Variants in GPD2 observed in about 807,000 individuals in gnomAD.
GPD2 encodes the protein glycerol-3-phosphate dehydrogenase, mitochondrial.
GPD2 carries 54 observed loss-of-function variants against 82.4 expected under a neutral mutation model. The observed-to-expected ratio is 0.66, with a 90% CI of 0.53 to 0.82. GPD2 has a LOEUF of 0.82. GPD2 is among the 40% of genes least tolerant of loss of function. The pLI is 0.00. For missense variants in GPD2, 748 were observed against 896.2 expected (o/e 0.83, Z 2.11); for synonymous variants, 288 against 306.1 (o/e 0.94, Z 0.62).
At chr2:156,489,194 A>G (rs1327164877) in intron 2 of GPD2, among the ~76,000 whole-genome samples, 1 of 152,254 alleles carries the variant, frequency 6.6e-6, no homozygotes, top group Non-Finnish European at 1.5e-5. Flanking sequence ...AGAGTGCACA[A>G]GCCTTGCCTA....
At chr2:156,466,966 C>T (rs1683171116) in intron 1 of GPD2, among the ~76,000 whole-genome samples, 1 of 152,184 alleles carries the variant, frequency 6.6e-6, no homozygotes, top group South Asian at 2.1e-4. Context: ...CTCGTTCTCA[C>T]TGTTGGTTTG....
At chr2:156,458,265 G>C (rs537412523) in intron 1 of GPD2, among the ~76,000 whole-genome samples, 2 of 152,290 alleles carry the variant, frequency 1.3e-5, no homozygotes, top group East Asian at 1.9e-4. Flanking sequence ...CAGTGGAGGG[G>C]CCCCCTGGGT....
upstream of GPD2, among the ~76,000 whole-genome samples, chr2:156,430,965 G>T (rs916995834): frequency 2.6e-5 from 4 of 152,190 alleles, no homozygotes; most frequent in Admixed American, 2.6e-4. Flanking sequence ...GTTACACCAG[G>T]ATATAGGTGA....
the GPD2 span, among the ~76,000 whole-genome samples, chr2:156,414,004 A>G: frequency 6.6e-6 from 1 of 152,228 alleles, no homozygotes; most frequent in Non-Finnish European, 1.5e-5. Flanking sequence ...AATAAGCAGA[A>G]ATATTCAATT....
chr2:156,556,513 G>A (rs1433577467), intron 8 of GPD2, among the ~76,000 whole-genome samples: 1 of 152,150 alleles, frequency 6.6e-6, no homozygotes, highest in Non-Finnish European at 1.5e-5. Flanking sequence ...TTTGTTTACA[G>A]TTGTCTCTTC....
intron 6 of GPD2, among the ~76,000 whole-genome samples, chr2:156,515,554 A>T (rs1685171107): frequency 6.6e-6 from 1 of 152,226 alleles, no homozygotes; most frequent in Admixed American, 6.5e-5. Context: ...TTGTTACACA[A>T]GGCAGAAGAA....
At chr2:156,411,197 C>A in the GPD2 span, among the ~76,000 whole-genome samples, 1 of 152,130 alleles carries the variant, frequency 6.6e-6, no homozygotes, top group Admixed American at 6.5e-5. Context: ...AAGTAGAAGG[C>A]TGGAATTCTG....
At chr2:156,547,119 T>C (rs1427602645) in intron 6 of GPD2, among the ~76,000 whole-genome samples, 1 of 152,246 alleles carries the variant, frequency 6.6e-6, no homozygotes, top group Non-Finnish European at 1.5e-5. Context: ...TTCTCAGTTA[T>C]ATTCCGTGCA....
chr2:156,490,657 C>T lies in GPD2; in HGVS notation c.103-5387C>T, dbSNP rs555298945. On this transcript the variant is annotated intron_variant, in intron 2 of 16. Coordinates refer to ENST00000438166, the MANE Select transcript of GPD2 (RefSeq NM_000408.5). ...GTGGTATAGTAGTGTAACACCTAGTCTCTGTTGCCAGGCTAAGTTCAGTTT... is the reference window on the plus strand; with the variant it reads ...GTGGTATAGTAGTGTAACACCTAGTTTCTGTTGCCAGGCTAAGTTCAGTTT... 1.0e-3 allele frequency among the ~76,000 whole-genome samples: 155 copies of T among 152,280 alleles called. 1 individual carries two copies. The highest frequency in any genetic ancestry group is 3.6e-3 in the African/African-American group (151 of 41,550).
At chr2:156,572,404 C>T (rs1346720317) in intron 13 of GPD2, among the ~76,000 whole-genome samples, 2 of 152,012 alleles carry the variant, frequency 1.3e-5, no homozygotes, top group Non-Finnish European at 2.9e-5. Flanking sequence ...TTAACACATC[C>T]AACTTCCATC....
At chr2:156,570,034 C>A in intron 11 of GPD2, 53 bp from the exon 12 acceptor site, 1 of 1,547,408 alleles carries the variant, frequency 6.5e-7, no homozygotes, top group Non-Finnish European at 8.9e-7. Context: ...TGCTTTGTGC[C>A]TAGAAGCTAT....
At chr2:156,425,780 CT>C in the GPD2 span, among the ~76,000 whole-genome samples, 1 of 152,224 alleles carries the variant, frequency 6.6e-6, no homozygotes, top group Non-Finnish European at 1.5e-5. Flanking sequence ...GCCTAATGAA[CT>C]CACTTTACCT....
chr2:156,463,739 A>G (rs1683064475), intron 1 of GPD2, among the ~76,000 whole-genome samples: 1 of 152,178 alleles, frequency 6.6e-6, no homozygotes, highest in South Asian at 2.1e-4. Context: ...TACAACATAG[A>G]GAATTATATA....
At chr2:156,403,114 CAAAAAAAA>C in the GPD2 span, among the ~76,000 whole-genome samples, 3 of 67,866 alleles carry the variant, frequency 4.4e-5, no homozygotes, top group Non-Finnish European at 8.0e-5. Context: ...GCCCCTGTCT[CAAAAAAAA>C]AAAAAAAAAA....
intron 13 of GPD2, among the ~76,000 whole-genome samples, chr2:156,573,706 G>A (rs1687720086): frequency 6.6e-6 from 1 of 152,028 alleles, no homozygotes. Flanking sequence ...CCTTAACAAA[G>A]TAACATAAAT....
intron 3 of GPD2, among the ~76,000 whole-genome samples, chr2:156,507,962 A>G (rs1440684723): frequency 6.6e-6 from 1 of 152,088 alleles, no homozygotes; most frequent in African/African-American, 2.4e-5. Context: ...ACTTCTCTGT[A>G]GACTTTTCTT....
intron 13 of GPD2, 99 bp downstream of exon 13, chr2:156,571,391 G>T: frequency 1.5e-6 from 1 of 668,966 alleles, no homozygotes. Context: ...GATAACCTTA[G>T]ATTTCTTACC....
intron 11 of GPD2, 80 bp from the exon 12 acceptor site, chr2:156,570,007 T>G: frequency 8.3e-7 from 1 of 1,199,612 alleles, no homozygotes; most frequent in South Asian, 1.2e-5. Context: ...ACTGACAAGA[T>G]AAGCATGTGT....
intron 6 of GPD2, among the ~76,000 whole-genome samples, chr2:156,542,677 A>G (rs1340079956): frequency 6.6e-6 from 1 of 152,176 alleles, no homozygotes; most frequent in Non-Finnish European, 1.5e-5. Flanking sequence ...TATATTTTAT[A>G]TAAGCTTTGA....
Sources: allele counts gnomAD v4.1 joint callset (sites outside exome capture counted in the v4.1 genomes callset), GRCh38; gene constraint gnomAD v4.1.1; transcripts MANE v1.5; gene names NCBI Gene and HGNC (gene_info 2026-07-23, HGNC 2026-07-21).